Variants in EIPR1 observed in about 807,000 individuals in gnomAD.
EIPR1 encodes EARP complex and GARP complex interacting protein 1, also known as EARP and GARP complex-interacting protein 1.
EIPR1 carries 25 observed loss-of-function variants against 48.1 expected under a neutral mutation model. That is an observed-to-expected ratio of 0.52 (90% CI 0.38 to 0.73). The LOEUF (loss-of-function observed/expected upper bound fraction) is 0.73, where lower values mean the gene tolerates loss of function less well. EIPR1 is among the 30% of genes least tolerant of loss of function. The pLI is 0.00. For synonymous variants in EIPR1, 204 were observed against 201.9 expected (o/e 1.01, Z -0.09); for missense variants, 415 against 506.2 (o/e 0.82, Z 1.73).
At chr2:3,285,487 T>G (rs1668155324) in intron 3 of EIPR1, among the ~76,000 whole-genome samples, 1 of 152,154 alleles carries the variant, frequency 6.6e-6, no homozygotes, top group Non-Finnish European at 1.5e-5. Context: ...ACTTCTAGCT[T>G]CAAAACAGGA....
chr2:3,310,495 T>C (rs1254073860), intron 3 of EIPR1, among the ~76,000 whole-genome samples: 5 of 138,950 alleles, frequency 3.6e-5, no homozygotes, highest in African/African-American at 5.8e-5. Flanking sequence ...CTACTAAAAA[T>C]ACAAAAAATT....
chr2:3,355,797 G>A lies in EIPR1; in HGVS notation c.43-1164C>T, dbSNP rs544032442. 5.6e-5 allele frequency among the ~76,000 whole-genome samples: 7 copies of A among 124,714 alleles called. No homozygotes were observed. The South Asian group carries it at 1.0e-3, about 18-fold the overall frequency. 81.8% of individuals were successfully genotyped at this position (124,714 alleles called of 152,430 possible). On this transcript the variant is annotated intron_variant, in intron 1 of 8. Coordinates refer to ENST00000382125, the MANE Select transcript of EIPR1 (RefSeq NM_003310.5). Reference sequence around the variant, plus strand: ...CCACTGCACTCTAGCCTGGGTGACCGAACAAGACCCTGTCTAAATAAAATA... The same window carrying A: ...CCACTGCACTCTAGCCTGGGTGACCAAACAAGACCCTGTCTAAATAAAATA...
At chr2:3,232,747 T>G (rs1306661056) in intron 4 of EIPR1, among the ~76,000 whole-genome samples, 2 of 152,228 alleles carry the variant, frequency 1.3e-5, no homozygotes, top group Admixed American at 1.3e-4. Flanking sequence ...TTTGCTTTTA[T>G]GAAAATTTAG....
chr2:3,344,903 C>T (rs1670355775), intron 2 of EIPR1, among the ~76,000 whole-genome samples: 1 of 152,010 alleles, frequency 6.6e-6, no homozygotes, highest in Non-Finnish European at 1.5e-5. Context: ...AACTCTTTTT[C>T]CAGTGCTTAT....
At chr2:3,368,927 C>G (rs1671040492) in intron 1 of EIPR1, among the ~76,000 whole-genome samples, 1 of 152,152 alleles carries the variant, frequency 6.6e-6, no homozygotes, top group Admixed American at 6.5e-5. Context: ...CAGTACTGCC[C>G]TTTATCTTTC....
intron 3 of EIPR1, 61 bp downstream of exon 3, chr2:3,337,956 G>A (rs888866039): frequency 1.5e-5 from 23 of 1,538,696 alleles, no homozygotes; most frequent in Middle Eastern, 1.7e-4. Flanking sequence ...TACAAAACCC[G>A]TCTTAGGAAA....
Position 3,321,478 on chromosome 2 carries a change from A to G in EIPR1, c.259+16539T>C, listed in dbSNP as rs546532305. Reference sequence around the variant, plus strand: ...TTTCTCCCCACCTCTCACGTACTCCATTCTTTCAAAGGGCTCTCGGTCATT... The same window carrying G: ...TTTCTCCCCACCTCTCACGTACTCCGTTCTTTCAAAGGGCTCTCGGTCATT... On this transcript the variant is annotated intron_variant, in intron 3 of 8. Transcript: ENST00000382125. Among the ~76,000 whole-genome samples, 20 of 152,208 alleles carry G rather than the reference A, an allele frequency of 1.3e-4. No homozygotes were observed. In the East Asian group the frequency reaches 1.4e-3, roughly 10 times the overall value.
chr2:3,243,993 C>T (rs1666720656), intron 4 of EIPR1, among the ~76,000 whole-genome samples: 2 of 152,232 alleles, frequency 1.3e-5, no homozygotes, highest in Non-Finnish European at 2.9e-5. Context: ...CCCCAGGGCT[C>T]ACCTGTGTCC....
chr2:3,218,498 C>T (rs1413259506), intron 4 of EIPR1, among the ~76,000 whole-genome samples: 5 of 148,242 alleles, frequency 3.4e-5, no homozygotes, highest in Non-Finnish European at 1.5e-5. Context: ...CCAGCAGGGC[C>T]CTGGTATACT....
chr2:3,197,153 T>C, intron 5 of EIPR1, 136 bp from the exon 6 acceptor site: 1 of 1,079,644 alleles, frequency 9.3e-7, no homozygotes, highest in Non-Finnish European at 1.3e-6. Flanking sequence ...GGAAGCTCTG[T>C]CTTTGTTTCC....
chr2:3,196,776 T>C, intron 6 of EIPR1, 105 bp downstream of exon 6: 13 of 1,445,690 alleles, frequency 9.0e-6, no homozygotes, highest in Non-Finnish European at 1.2e-5. Flanking sequence ...AGACAAACCA[T>C]GCGCCCCCAA....
intron 3 of EIPR1, among the ~76,000 whole-genome samples, chr2:3,297,142 G>A (rs1179555221): frequency 6.6e-6 from 1 of 152,206 alleles, no homozygotes; most frequent in African/African-American, 2.4e-5. Context: ...GGACAGTGTG[G>A]CACATGCTAG....
intron 3 of EIPR1, among the ~76,000 whole-genome samples, chr2:3,313,102 G>C (rs1669177442): frequency 1.3e-5 from 2 of 152,184 alleles, no homozygotes; most frequent in Admixed American, 1.3e-4. Flanking sequence ...CAATGAGGCT[G>C]GGTGACTGCC....
chr2:3,225,624 T>C (rs541994590), intron 4 of EIPR1, among the ~76,000 whole-genome samples: 3 of 152,314 alleles, frequency 2.0e-5, no homozygotes, highest in East Asian at 3.9e-4. Flanking sequence ...TCAACTCATA[T>C]AGTTAACTCC....
chr2:3,257,806 G>A (rs187402441), intron 3 of EIPR1, among the ~76,000 whole-genome samples: 374 of 152,258 alleles, frequency 2.5e-3, no homozygotes, highest in Non-Finnish European at 3.1e-3. Context: ...TAATCACCAC[G>A]CACGCAGCTG....
intron 6 of EIPR1, among the ~76,000 whole-genome samples, chr2:3,196,120 T>G (rs1403550780): frequency 6.6e-6 from 1 of 152,196 alleles, no homozygotes; most frequent in Non-Finnish European, 1.5e-5. Flanking sequence ...TGCACGGACG[T>G]GCACAAAGGA....
intron 3 of EIPR1, among the ~76,000 whole-genome samples, chr2:3,277,565 A>G (rs1290341253): frequency 6.6e-6 from 1 of 152,226 alleles, no homozygotes; most frequent in Non-Finnish European, 1.5e-5. Context: ...TACCCGGTGA[A>G]CAACCCCAGG....
At chr2:3,261,537 C>T (rs1231389096) in intron 3 of EIPR1, among the ~76,000 whole-genome samples, 1 of 152,198 alleles carries the variant, frequency 6.6e-6, no homozygotes, top group Non-Finnish European at 1.5e-5. Flanking sequence ...AAGGGACCCA[C>T]GGCCATTTTC....
At chr2:3,285,264 CAA>C (rs200845173) in intron 3 of EIPR1, among the ~76,000 whole-genome samples, 4,536 of 152,046 alleles carry the variant, frequency 0.03, 88 homozygotes, top group Middle Eastern at 0.058. Flanking sequence ...GAGCAAACCT[CAA>C]AGTCAGGGCT....
Sources: gnomAD v4.1 joint callset for allele counts (sites outside exome capture counted in the v4.1 genomes callset) on GRCh38, gnomAD v4.1.1 for gene constraint, MANE v1.5 for transcripts, NCBI Gene and HGNC (gene_info 2026-07-23, HGNC 2026-07-21) for gene names.